Variants in CANX observed in about 807,000 individuals in gnomAD.
CANX encodes the protein epididymis secretory sperm binding protein.
In CANX, 14 loss-of-function variants were observed where a neutral mutation model predicts 75.7. The observed-to-expected ratio is 0.19, with a 90% CI of 0.12 to 0.29. CANX has a LOEUF of 0.29. Among genes scored for constraint, CANX ranks in the 10% least tolerant of loss-of-function variants. The probability of loss-of-function intolerance (pLI) is 1.00; values close to 1 mark genes in which losing one functional copy is unlikely to be tolerated. For synonymous variants in CANX, 227 were observed against 236.9 expected (o/e 0.96, Z 0.38); for missense variants, 567 against 713.2 (o/e 0.79, Z 2.34).
rs141246781 is a variant in CANX, at chr5:179,689,115, A to G, written c.-4+10338A>G. On this transcript the variant is annotated intron_variant, in intron 1 of 14. Transcript: ENST00000681674. ...AATAAAAATAAAAAATTAGCTGGGC[A>G]TGGTGGTGTGCGCCTATAATCCCAG... Among the ~76,000 whole-genome samples the G allele has an allele frequency of 7.8e-3, 1,190 of 152,180 alleles. 10 individuals are homozygous for G. Among genetic ancestry groups the G allele is most frequent in the Non-Finnish European group, 0.014 (927 of 68,008 alleles).
rs533751366 is a variant in CANX, at chr5:179,712,122, T to G, written c.721+2057T>G. On this transcript the variant is annotated intron_variant, in intron 7 of 14. Transcript: ENST00000247461. ...CCCACTCCAAAAAAAAAGGTGTTTT[T>G]TTTTTTTTTTTCTACAAAGAGCTTT... Among the ~76,000 whole-genome samples the G allele has an allele frequency of 4.0e-3, 613 of 151,672 alleles. 5 individuals carry two copies. The highest frequency in any genetic ancestry group is 5.3e-3 in the Non-Finnish European group (357 of 67,880).
intron 13 of CANX, among the ~76,000 whole-genome samples, 157 bp downstream of exon 13, chr5:179,724,940 C>T (rs1778550743): frequency 6.6e-6 from 1 of 151,998 alleles, no homozygotes; most frequent in Non-Finnish European, 1.5e-5. Flanking sequence ...TCACTTGAGC[C>T]CAGGAGTTTA....
chr5:179,713,262 A>C (rs1160335330), intron 7 of CANX, among the ~76,000 whole-genome samples: 2 of 150,808 alleles, frequency 1.3e-5, no homozygotes, highest in Admixed American at 6.6e-5. Context: ...TTGTATTTTT[A>C]GTAGAGCCTT....
chr5:179,681,644 G>T (rs60216315), intron 1 of CANX, among the ~76,000 whole-genome samples: 2 of 151,870 alleles, frequency 1.3e-5, no homozygotes, highest in Non-Finnish European at 2.9e-5. Context: ...AGAGTTACCA[G>T]CCAGCTCCTA....
upstream of CANX, among the ~76,000 whole-genome samples, chr5:179,695,163 C>T (rs536133529): frequency 2.0e-5 from 3 of 152,060 alleles, no homozygotes; most frequent in East Asian, 5.8e-4. Context: ...CATTCTCCTG[C>T]CCCAGCCTCC....
intron 1 of CANX, among the ~76,000 whole-genome samples, chr5:179,689,246 G>A (rs7719302): frequency 0.45 from 67,921 of 151,688 alleles, 15,385 homozygotes; most frequent in South Asian, 0.55. Flanking sequence ...TCTCAAAAAC[G>A]ACAGCAAGAA....
At chr5:179,711,292 T>C (rs190270413) in intron 7 of CANX, among the ~76,000 whole-genome samples, 53 of 151,898 alleles carry the variant, frequency 3.5e-4, no homozygotes, top group African/African-American at 1.1e-3. Flanking sequence ...TATAGTGGCA[T>C]GTGCCTGTAG....
intron 13 of CANX, 55 bp downstream of exon 13, chr5:179,724,838 A>C (rs2113274504): frequency 6.5e-7 from 1 of 1,548,328 alleles, no homozygotes; most frequent in Non-Finnish European, 8.7e-7. Flanking sequence ...CGATGTTGTT[A>C]AACCTTTACA....
chr5:179,678,747 T>C (rs1051816691), exon 1 of CANX: 15 of 1,537,058 alleles, frequency 9.8e-6, no homozygotes, highest in East Asian at 2.4e-5. Flanking sequence ...TCAGTCAGCA[T>C]GTCTATGAGC....
chr5:179,718,971 A>AT (rs756637582), intron 8 of CANX, among the ~76,000 whole-genome samples: 5,133 of 133,582 alleles, frequency 0.038, 153 homozygotes, highest in African/African-American at 0.091. Context: ...GGCCTTGTGT[A>AT]TTTTTTTTTT....
chr5:179,720,623 A>C lies in CANX; in HGVS notation c.1182+63A>C, dbSNP rs754514407. On this transcript the variant is annotated intron_variant, in intron 10 of 14. Coordinates refer to ENST00000247461, the MANE Select transcript of CANX (RefSeq NM_001746.4). ...CTGTTTGTATTCAGATAGAAGTTTTATCTAGAGTAAGGCTGCCAGGTTGGT... is the reference window on the plus strand; with the variant it reads ...CTGTTTGTATTCAGATAGAAGTTTTCTCTAGAGTAAGGCTGCCAGGTTGGT... 7 of 1,480,278 alleles carry C rather than the reference A, an allele frequency of 4.7e-6. No individual in the cohort carries two copies. The Admixed American group carries it at 5.1e-5, about 11-fold the overall frequency. 91.7% of individuals were successfully genotyped at this position (1,480,278 alleles called of 1,614,324 possible).
intron 14 of CANX, among the ~76,000 whole-genome samples, chr5:179,728,268 A>G (rs1351512540): frequency 6.6e-6 from 1 of 152,238 alleles, no homozygotes; most frequent in Non-Finnish European, 1.5e-5. Context: ...GAATGGGGCT[A>G]GTGTGCCATA....
Position 179,722,448 on chromosome 5 carries a change from G to A in CANX, c.1183-356G>A, listed in dbSNP as rs575572341. 1.9e-4 allele frequency among the ~76,000 whole-genome samples: 29 copies of A among 152,314 alleles called. No homozygotes were observed. The South Asian group carries it at 4.8e-3, about 25-fold the overall frequency. Reference sequence around the variant, plus strand: ...AAGTGAATTGCTGGTTGATGATCATGTGCGTTTTATTTTAAATCACCACTG... The same window carrying A: ...AAGTGAATTGCTGGTTGATGATCATATGCGTTTTATTTTAAATCACCACTG... On this transcript the variant is annotated intron_variant, in intron 10 of 14. Transcript: ENST00000247461.
intron 14 of CANX, among the ~76,000 whole-genome samples, chr5:179,727,448 G>T (rs1778735947): frequency 6.6e-6 from 1 of 152,202 alleles, no homozygotes; most frequent in Non-Finnish European, 1.5e-5. Flanking sequence ...ACTTTTCCAT[G>T]GGGATGTAAG....
chr5:179,680,620 C>T (rs1204876540), intron 1 of CANX, among the ~76,000 whole-genome samples: 1 of 152,086 alleles, frequency 6.6e-6, no homozygotes, highest in African/African-American at 2.4e-5. Context: ...AAACTGTGCC[C>T]TCAGGAAGTC....
intron 1 of CANX, among the ~76,000 whole-genome samples, chr5:179,692,221 C>T (rs973604056): frequency 5.9e-5 from 9 of 151,912 alleles, no homozygotes; most frequent in East Asian, 5.8e-4. Context: ...ACTACAGGTA[C>T]GCACCACCAT....
upstream of CANX, among the ~76,000 whole-genome samples, chr5:179,696,267 CTTTTT>C (rs34048949): frequency 1.8e-5 from 1 of 56,734 alleles, no homozygotes; most frequent in Non-Finnish European, 3.0e-5. Context: ...AGTGTCATTT[CTTTTT>C]TTTTTTTTTT....
rs572227626 is a variant in CANX at position 179,728,019 on chromosome 5, G to T, written c.1726-572G>T. ...AAGATCATTGCTATCTGTATCTTTTGTATATTTTCCATGGATATGTTCTGT... is the reference window on the plus strand; with the variant it reads ...AAGATCATTGCTATCTGTATCTTTTTTATATTTTCCATGGATATGTTCTGT... On this transcript the variant is annotated intron_variant, in intron 14 of 14. Coordinates refer to ENST00000247461, the MANE Select transcript of CANX (RefSeq NM_001746.4). Among the ~76,000 whole-genome samples the T allele has an allele frequency of 4.6e-5, 7 of 152,254 alleles. 1 individual carries two copies. In the South Asian group the frequency reaches 1.5e-3, roughly 32 times the overall value.
rs1158804489 is a variant in CANX, at chr5:179,730,954, C to A, written c.*2310C>A. The A allele has an allele frequency of 6.6e-6, 1 of 152,194 alleles. No homozygotes were observed. The highest frequency in any genetic ancestry group is 1.5e-5 in the Non-Finnish European group (1 of 68,044). The allele number at this position is 152,194 out of a possible 1,614,324, so 9.4% of individuals were successfully genotyped here. A position where few individuals can be genotyped will look rare whatever the true frequency, so the allele number is the denominator to read the frequency against. On this transcript the variant is annotated 3_prime_UTR_variant, in exon 15 of 15. Coordinates refer to ENST00000247461, the MANE Select transcript of CANX (RefSeq NM_001746.4). Reference sequence around the variant, plus strand: ...TTTTGACTGAATTTCTTCATAGTAACCTTCAGTGTGTGTGTGTGACTATGT... The same window carrying A: ...TTTTGACTGAATTTCTTCATAGTAAACTTCAGTGTGTGTGTGTGACTATGT...
Sources: allele counts gnomAD v4.1 joint callset (sites outside exome capture counted in the v4.1 genomes callset), GRCh38; gene constraint gnomAD v4.1.1; transcripts MANE v1.5; gene names NCBI Gene and HGNC (gene_info 2026-07-23, HGNC 2026-07-21).